The following MID1 variants were observed in gnomAD, a reference collection of about 807,000 sequenced individuals.
MID1 encodes midline 1, also known as E3 ubiquitin-protein ligase Midline-1.
In MID1, 7 loss-of-function variants were observed where a neutral mutation model predicts 40.4. That is an observed-to-expected ratio of 0.17 (90% CI 0.10 to 0.33). The LOEUF (loss-of-function observed/expected upper bound fraction) is 0.33, where lower values mean the gene tolerates loss of function less well. Among genes scored for constraint, MID1 ranks in the 10% least tolerant of loss-of-function variants. The probability of loss-of-function intolerance (pLI) is 1.00; values close to 1 mark genes in which losing one functional copy is unlikely to be tolerated. For missense variants in MID1, 367 were observed against 558.5 expected (o/e 0.66, Z 3.46); for synonymous variants, 229 against 221.2 (o/e 1.04, Z -0.31).
At chrX:10,817,920 A>C (rs908358661) in intron 1 of MID1, among the ~76,000 whole-genome samples, 5 of 111,529 alleles carry the variant, frequency 4.5e-5, no homozygotes, top group Non-Finnish European at 9.4e-5. Flanking sequence ...CACCTGGCCA[A>C]CATGATTTTC....
chrX:10,593,440 C>T (rs1216518549), intron 1 of MID1, among the ~76,000 whole-genome samples: 1 of 111,398 alleles, frequency 9.0e-6, no homozygotes, highest in Non-Finnish European at 1.9e-5. Flanking sequence ...GCTCCCCATT[C>T]CAATTTCCCA....
chrX:10,827,906 G>A (rs1257790376), intron 1 of MID1, among the ~76,000 whole-genome samples: 1 of 111,171 alleles, frequency 9.0e-6, no homozygotes, highest in Non-Finnish European at 1.9e-5. Context: ...TTTTATTTAT[G>A]CACAGGGGGA....
chrX:10,565,401 C>T (rs995002762), intron 2 of MID1: 2 of 329,568 alleles, frequency 6.1e-6, no homozygotes, highest in South Asian at 2.6e-5. Context: ...AGATGTGGTC[C>T]GTTAATCCCA....
chrX:10,810,960 C>T (rs1480553461), intron 1 of MID1, among the ~76,000 whole-genome samples: 1 of 110,643 alleles, frequency 9.0e-6, no homozygotes, highest in Admixed American at 9.7e-5. Context: ...CCCTTGTGCC[C>T]TTTGCATTTT....
At chrX:10,611,809 T>C (rs1935741642) in intron 1 of MID1, among the ~76,000 whole-genome samples, 1 of 111,578 alleles carries the variant, frequency 9.0e-6, no homozygotes, top group African/African-American at 3.3e-5. Context: ...CAAAAACTAA[T>C]AATATGACAC....
intron 1 of MID1, among the ~76,000 whole-genome samples, chrX:10,815,727 G>A (rs1406009720): frequency 8.9e-6 from 1 of 112,768 alleles, no homozygotes; most frequent in African/African-American, 3.2e-5. Context: ...AGAGAGGGTT[G>A]AACTAGTATT....
intron 1 of MID1, among the ~76,000 whole-genome samples, chrX:10,682,682 GA>G (rs2043068030): frequency 9.0e-6 from 1 of 111,405 alleles, no homozygotes; most frequent in Non-Finnish European, 1.9e-5. Context: ...TATCAGAAAA[GA>G]AAAAGCATGG....
chrX:10,684,725 A>G lies in MID1; in HGVS notation c.-186-64306T>C, dbSNP rs2043083259. On this transcript the variant is annotated intron_variant, in intron 1 of 10. Transcript: ENST00000380785. The stretch of plus-strand genomic sequence containing the variant: ...CGCCCGGCCAATTGTGTCTTTTTCT[A>G]AGTGTCATTACTTTGGAATATGTAA... 3.6e-5 allele frequency among the ~76,000 whole-genome samples: 4 copies of G among 111,488 alleles called. No homozygotes were observed. The South Asian group carries it at 1.5e-3, about 41-fold the overall frequency.
At chrX:10,521,109 A>C (rs1932680579) in intron 3 of MID1, among the ~76,000 whole-genome samples, 1 of 58,339 alleles carries the variant, frequency 1.7e-5, no homozygotes, top group East Asian at 6.4e-4. Context: ...CAAGAGAAAG[A>C]GTGTGTATGG....
At chrX:10,457,036 CAAG>C (rs1246743491) in intron 8 of MID1, among the ~76,000 whole-genome samples, 1 of 111,440 alleles carries the variant, frequency 9.0e-6, no homozygotes, top group Non-Finnish European at 1.9e-5. Flanking sequence ...TGAACTAAGA[CAAG>C]AAGAGTATGA....
intron 1 of MID1, among the ~76,000 whole-genome samples, chrX:10,792,920 G>T (rs1486164049): frequency 1.8e-5 from 2 of 111,749 alleles, no homozygotes; most frequent in African/African-American, 6.5e-5. Flanking sequence ...AAAGGAGTAG[G>T]ACATTCTCAT....
chrX:10,757,114 T>C (rs2188374), intron 1 of MID1, among the ~76,000 whole-genome samples: 11,579 of 110,906 alleles, frequency 0.1, 1,466 homozygotes, highest in African/African-American at 0.36. Flanking sequence ...CAAAACAGAT[T>C]GTTGGGTTTG....
In MID1 at chrX:10,555,630, C is replaced by CT. The variant is rs374434662; in HGVS notation, c.660+11257dup. ...AGTAAACAAATAAGGTTTTTTCTTTCTTTTTTTTTTAAAAGCAGGATCTGA... is the reference window on the plus strand; with the variant it reads ...AGTAAACAAATAAGGTTTTTTCTTTCTTTTTTTTTTTAAAAGCAGGATCTGA... On this transcript the variant is annotated intron_variant, in intron 2 of 9. Coordinates refer to ENST00000317552, the MANE Select transcript of MID1 (RefSeq NM_000381.4). Among the ~76,000 whole-genome samples, 25 of 105,961 alleles carry CT rather than the reference C, an allele frequency of 2.4e-4. No individual in the cohort carries two copies. In the South Asian group the frequency reaches 2.5e-3, roughly 10 times the overall value. The allele number at this position is 105,961 out of a possible 115,157, so 92.0% of individuals were successfully genotyped here. A position where few individuals can be genotyped will look rare whatever the true frequency, so the allele number is the denominator to read the frequency against.
Position 10,474,702 on chromosome X carries a change from G to T in MID1, c.1062C>A (p.Asn354Lys), listed in dbSNP as rs756366511. Residue 354 changes from asparagine to lysine, a missense_variant, in exon 6 of 10, where the codon AAC (asparagine) becomes AAA (lysine). Coordinates refer to ENST00000317552, the MANE Select transcript of MID1 (RefSeq NM_000381.4). ...CAAAGGTGTCAAATGTGTCATTGAG[G>T]TTGATTTCAGGAATTAGAACCTGGG... is the stretch of plus-strand genomic sequence containing the variant. ...ASSQVLIPEINLNDTFDTFAL... is the reference protein window; with the variant it reads ...ASSQVLIPEIKLNDTFDTFAL... The T allele has an allele frequency of 8.3e-6, 10 of 1,205,629 alleles. No individual in the cohort carries two copies. The African/African-American group carries it at 1.6e-4, about 19-fold the overall frequency.
At chrX:10,516,903 C>T (rs1290424950) in intron 3 of MID1, among the ~76,000 whole-genome samples, 1 of 111,474 alleles carries the variant, frequency 9.0e-6, no homozygotes, top group Admixed American at 9.5e-5. Flanking sequence ...CAGGCATGAG[C>T]CACAGCATGC....
rs1199518877 is a variant in MID1, at chrX:10,567,489, G to A, written c.59C>T (p.Pro20Leu). 8.3e-7 allele frequency: 1 copy of A among 1,211,650 alleles called. No individual in the cohort carries two copies. Among genetic ancestry groups the A allele is most frequent in the Admixed American group, 2.2e-5 (1 of 46,061 alleles). ...CPICLELFED[P>L]LLLPCAHSLC... ...GCTGTGTGCGCAGGGCAGTAGAAGA[G>A]GGTCCTCAAAGAGCTCCAGACAAAT... is the stretch of plus-strand genomic sequence containing the variant. The change falls in exon 2 of 10, where the codon CCT (proline) becomes CTT (leucine). Residue 20 changes from proline to leucine, a missense_variant. Physicochemically the swap from Pro to Leu is moderately conservative, Grantham distance 98. Transcript: ENST00000317552.
intron 1 of MID1, among the ~76,000 whole-genome samples, chrX:10,735,082 G>A (rs1413225728): frequency 9.0e-6 from 1 of 111,608 alleles, no homozygotes; most frequent in Non-Finnish European, 1.9e-5. Context: ...ACCAAGAGTC[G>A]ATTAGACATA....
rs757940082 is a variant in MID1 at position 10,484,977 on chromosome X, T to TAAA, written c.865-2352_865-2350dup. ...ATATATTTCTTACTGCGGGTTACAG[T>TAAA]AAAAAAAAAAAGAAAAAAGAAAAAC... is the stretch of plus-strand genomic sequence containing the variant. On this transcript the variant is annotated intron_variant, in intron 4 of 9. Transcript: ENST00000317552. 4.0e-3 allele frequency among the ~76,000 whole-genome samples: 404 copies of TAAA among 102,021 alleles called. 1 individual carries two copies. Among genetic ancestry groups the TAAA allele is most frequent in the Middle Eastern group, 0.015 (3 of 199 alleles). The allele number at this position is 102,021 out of a possible 115,157, so 88.6% of individuals were successfully genotyped here.
At chrX:10,727,193 C>A in intron 1 of MID1, among the ~76,000 whole-genome samples, 1 of 112,563 alleles carries the variant, frequency 8.9e-6, no homozygotes, top group East Asian at 2.8e-4. Flanking sequence ...CAGCTCACTA[C>A]AACCTCCTCC....
Sources: allele counts gnomAD v4.1 joint callset (sites outside exome capture counted in the v4.1 genomes callset), GRCh38; gene constraint gnomAD v4.1.1; transcripts MANE v1.5; gene names NCBI Gene and HGNC (gene_info 2026-07-23, HGNC 2026-07-21).